Variants in FGD4 observed in about 807,000 individuals in gnomAD.
FGD4 encodes the protein FYVE, RhoGEF and PH domain containing 4.
A neutral mutation model predicts 102.0 loss-of-function variants in FGD4; 42 were observed. That is an observed-to-expected ratio of 0.41 (90% CI 0.32 to 0.53). The LOEUF is 0.53. FGD4 is among the 20% of genes least tolerant of loss of function. The pLI is 0.21. For missense variants in FGD4, 902 were observed against 1,078.2 expected (o/e 0.84, Z 2.29); for synonymous variants, 380 against 375.7 (o/e 1.01, Z -0.13).
chr12:32,604,067 C>G (rs1338243566), intron 7 of FGD4, among the ~76,000 whole-genome samples: 2 of 152,152 alleles, frequency 1.3e-5, no homozygotes, highest in Non-Finnish European at 2.9e-5. Flanking sequence ...GAGAAGCCAG[C>G]CATTGATTGT....
intron 15 of FGD4, among the ~76,000 whole-genome samples, chr12:32,635,299 C>T (rs981672875): frequency 9.2e-5 from 14 of 152,232 alleles, no homozygotes; most frequent in Admixed American, 9.2e-4. Flanking sequence ...ATGAGACTGG[C>T]ACAATATAAT....
intron 1 of FGD4, among the ~76,000 whole-genome samples, chr12:32,561,616 A>G (rs1179356207): frequency 2.0e-5 from 3 of 152,200 alleles, no homozygotes; most frequent in Non-Finnish European, 4.4e-5. Flanking sequence ...CTTTGATTCA[A>G]TTATACTGAA....
intron 16 of FGD4, chr12:32,639,055 G>C (rs1384386782): frequency 2.2e-6 from 2 of 899,232 alleles, no homozygotes; most frequent in Non-Finnish European, 3.0e-6. Flanking sequence ...AGTTGAATTA[G>C]GAATGAGCAT....
intron 6 of FGD4, among the ~76,000 whole-genome samples, 172 bp from the exon 7 acceptor site, chr12:32,601,989 C>G (rs1298364417): frequency 1.3e-5 from 2 of 152,134 alleles, no homozygotes; most frequent in Non-Finnish European, 2.9e-5. Flanking sequence ...GTGGCGCGTG[C>G]CTGTAGTCCC....
intron 1 of FGD4, among the ~76,000 whole-genome samples, chr12:32,436,173 C>T (rs776915515): frequency 2.6e-5 from 4 of 152,106 alleles, no homozygotes; most frequent in African/African-American, 9.7e-5. Flanking sequence ...TGTGGTTGGA[C>T]TGGAATGCTA....
Position 32,605,651 on chromosome 12 carries a change from G to A in FGD4, c.1405-2306G>A, listed in dbSNP as rs537281147. Among the ~76,000 whole-genome samples, 290 of 152,228 alleles carry A rather than the reference G, an allele frequency of 1.9e-3. 1 individual carries two copies. Among genetic ancestry groups the A allele is most frequent in the Non-Finnish European group, 6.9e-4 (47 of 68,002 alleles). ...TTCTTTTCCTATTTTTAGCTCCCAAGCATTTTTCCATCTGACTTTTTAGGC... is the reference window on the plus strand; with the variant it reads ...TTCTTTTCCTATTTTTAGCTCCCAAACATTTTTCCATCTGACTTTTTAGGC... On this transcript the variant is annotated intron_variant, in intron 7 of 16. Transcript: ENST00000534526.
At chr12:32,587,150 A>G (rs1005878408) in intron 4 of FGD4, among the ~76,000 whole-genome samples, 4 of 142,948 alleles carry the variant, frequency 2.8e-5, no homozygotes, top group Non-Finnish European at 6.0e-5. Flanking sequence ...AGGTCGCACC[A>G]TTGCACTCCA....
Position 32,506,327 on chromosome 12 carries a change from G to A in FGD4, c.167-57810G>A, listed in dbSNP as rs1013710224. On this transcript the variant is annotated intron_variant, in intron 1 of 16. Transcript: ENST00000534526. This position sits in a 1 kb window ranked among gnomAD's most constrained non-coding sequence, Gnocchi z 4.5. ...ACCAAGCTTTTAAAAAACATTAACTGCCAAGCCAATTGGATGCATATGTTT... is the reference window on the plus strand; with the variant it reads ...ACCAAGCTTTTAAAAAACATTAACTACCAAGCCAATTGGATGCATATGTTT... Among the ~76,000 whole-genome samples, 1 of 152,134 alleles carries A rather than the reference G, an allele frequency of 6.6e-6. No homozygotes were observed. The highest frequency in any genetic ancestry group is 1.5e-5 in the Non-Finnish European group (1 of 68,028).
Position 32,481,818 on chromosome 12 carries a change from C to CA in FGD4, c.166+81875dup, listed in dbSNP as rs35076375. ...CCTGGGTGACAGAGCAAGACTGTCTCAAAAAAAAAAAAAAAAGAACATCTA... is the reference window on the plus strand; with the variant it reads ...CCTGGGTGACAGAGCAAGACTGTCTCAAAAAAAAAAAAAAAAAGAACATCTA... On this transcript the variant is annotated intron_variant, in intron 1 of 16. Coordinates refer to ENST00000534526, the MANE Select transcript of FGD4 (RefSeq NM_001370298.3). Among the ~76,000 whole-genome samples, 1,128 of 130,002 alleles carry CA rather than the reference C, an allele frequency of 8.7e-3. 6 individuals carry two copies. The highest frequency in any genetic ancestry group is 0.056 in the Middle Eastern group (14 of 252). 85.3% of individuals were successfully genotyped at this position (130,002 alleles called of 152,430 possible).
chr12:32,612,456 G>C (rs1460752946), intron 10 of FGD4, among the ~76,000 whole-genome samples: 1 of 152,178 alleles, frequency 6.6e-6, no homozygotes, highest in East Asian at 1.9e-4. Flanking sequence ...AGGCAAAGGA[G>C]CCACTGGCCA....
chr12:32,417,351 AT>A (rs1009485263), intron 1 of FGD4, among the ~76,000 whole-genome samples: 13 of 150,372 alleles, frequency 8.6e-5, no homozygotes, highest in South Asian at 4.2e-4. Flanking sequence ...TCTAGGGTAA[AT>A]TTTTTTTTTC....
Position 32,564,278 on chromosome 12 carries a change from C to T in FGD4, c.308C>T (p.Pro103Leu), listed in dbSNP as rs1944998706. The change falls in exon 2 of 17, where the codon CCA becomes CTA. Residue 103 changes from proline to leucine, a missense_variant. Around this residue, in one of 2 missense-constraint regions of FGD4, gnomAD observed 443 missense variants for 459.2 expected, o/e 0.96. Coordinates refer to ENST00000534526, the MANE Select transcript of FGD4 (RefSeq NM_001370298.3). ...CCAGCAAAACACTCAGCTGCAAGTC[C>T]AAAGCCACAAGGTATGCTCACTGGG... ...NRPAKHSAAS[P>L]KPQVPPKPLH... 6.5e-7 allele frequency: 1 copy of T among 1,535,866 alleles called. No individual in the cohort carries two copies. Among genetic ancestry groups the T allele is most frequent in the Non-Finnish European group, 8.7e-7 (1 of 1,146,796 alleles).
At chr12:32,553,165 G>A (rs988138170) in intron 1 of FGD4, among the ~76,000 whole-genome samples, 11 of 151,984 alleles carry the variant, frequency 7.2e-5, no homozygotes, top group African/African-American at 2.7e-4. Context: ...CCCGAGAGTG[G>A]TGGAGCAGAG....
At chr12:32,406,968 A>C (rs1940961112) in intron 1 of FGD4, among the ~76,000 whole-genome samples, 1 of 151,590 alleles carries the variant, frequency 6.6e-6, no homozygotes, top group Non-Finnish European at 1.5e-5. Flanking sequence ...ACCTGCCACC[A>C]TGCCCAGCTA....
At chr12:32,604,412 C>A (rs1215616957) in intron 7 of FGD4, among the ~76,000 whole-genome samples, 1 of 152,200 alleles carries the variant, frequency 6.6e-6, no homozygotes, top group East Asian at 1.9e-4. Context: ...TGGCCTTGAA[C>A]TCCTGGGTTC....
At chr12:32,436,297 T>A (rs1591897428) in intron 1 of FGD4, among the ~76,000 whole-genome samples, 1 of 152,328 alleles carries the variant, frequency 6.6e-6, no homozygotes, top group East Asian at 1.9e-4. Flanking sequence ...AGGACCAGCC[T>A]CCCCTGTTCC....
At chr12:32,472,729 C>T (rs1009065108) in intron 1 of FGD4, among the ~76,000 whole-genome samples, 2 of 152,218 alleles carry the variant, frequency 1.3e-5, no homozygotes, top group Non-Finnish European at 2.9e-5. Flanking sequence ...GGTGCGGGAT[C>T]CACTAGGTGA....
At chr12:32,559,470 C>A (rs1355315766) in intron 1 of FGD4, among the ~76,000 whole-genome samples, 1 of 152,066 alleles carries the variant, frequency 6.6e-6, no homozygotes, top group African/African-American at 2.4e-5. Flanking sequence ...TGTAAATGTT[C>A]TCTGTGTCCT....
chr12:32,599,761 G>A (rs754145234), intron 5 of FGD4, among the ~76,000 whole-genome samples: 40 of 151,540 alleles, frequency 2.6e-4, no homozygotes, highest in Non-Finnish European at 5.0e-4. Flanking sequence ...TGTTGGCCAG[G>A]CTGGTCTTAA....
Sources: gnomAD v4.1 joint callset for allele counts (sites outside exome capture counted in the v4.1 genomes callset) on GRCh38, gnomAD v4.1.1 for gene constraint, gnomAD v4.1.1 regional missense constraint, Gnocchi (gnomAD v3.1) non-coding constraint, MANE v1.5 for transcripts, NCBI Gene and HGNC (gene_info 2026-07-23, HGNC 2026-07-21) for gene names.